TIFA: variants seen among roughly 807,000 people sequenced by gnomAD.
The protein encoded by TIFA is TRAF interacting protein with forkhead associated domain.
For missense variants in TIFA, 186 were observed against 215.2 expected (o/e 0.86, Z 0.85); for synonymous variants, 75 against 79.2 (o/e 0.95, Z 0.28).
At position 112,277,675 on chromosome 4, in the gene TIFA, A is replaced by ATGGTAGCCGTATC; in HGVS notation, c.*186_*187insGATACGGCTACCA. ...TTAAAATAATTTTGTGTAGATCCAGAATACAACAGGTGACTAAGTTAATGA... is the reference window on the plus strand; with the variant it reads ...TTAAAATAATTTTGTGTAGATCCAGATGGTAGCCGTATCATACAACAGGTGACTAAGTTAATGA... On this transcript the variant is annotated 3_prime_UTR_variant, in exon 2 of 2. Transcript: ENST00000361717. 2.8e-6 allele frequency: 1 copy of ATGGTAGCCGTATC among 363,384 alleles called. No individual in the cohort carries two copies. 22.5% of individuals were successfully genotyped at this position (363,384 alleles called of 1,614,324 possible).
chr4:112,274,901 T>C lies in TIFA; in HGVS notation c.*2961A>G, dbSNP rs1727076073. On this transcript the variant is annotated 3_prime_UTR_variant, in exon 2 of 2. Coordinates refer to ENST00000361717, the MANE Select transcript of TIFA (RefSeq NM_052864.3). ...TATATGGCCTATGAGATTTAACCAC[T>C]GGAGTTGCAGGTTCAAGAAGAGACT... 1.3e-5 allele frequency: 2 copies of C among 152,164 alleles called. No individual in the cohort carries two copies. The highest frequency in any genetic ancestry group is 2.9e-5 in the Non-Finnish European group (2 of 68,032). 9.4% of individuals were successfully genotyped at this position (152,164 alleles called of 1,614,324 possible).
chr4:112,284,229 AC>A (rs1327189148), intron 1 of TIFA, among the ~76,000 whole-genome samples: 1 of 151,976 alleles, frequency 6.6e-6, no homozygotes, highest in East Asian at 1.9e-4. Flanking sequence ...AAGAATGGAT[AC>A]GTGTAGAGGT....
At chr4:112,283,638 G>A (rs1727265534) in intron 1 of TIFA, among the ~76,000 whole-genome samples, 1 of 152,124 alleles carries the variant, frequency 6.6e-6, no homozygotes, top group Non-Finnish European at 1.5e-5. Flanking sequence ...GTGCACATTT[G>A]CTCAAAACAG....
rs548151444 is a variant in TIFA, at chr4:112,285,695, G to C, written c.-74C>G. ...AGCTGTTCGGCTCTCCCGGCTCAGAGCGAGGGGAATCGAGGAGACTGGGCG... is the reference window on the plus strand; with the variant it reads ...AGCTGTTCGGCTCTCCCGGCTCAGACCGAGGGGAATCGAGGAGACTGGGCG... On this transcript the variant is annotated 5_prime_UTR_variant, in exon 1 of 2. Transcript: ENST00000361717. 1 of 152,420 alleles carries C rather than the reference G, an allele frequency of 6.6e-6. No individual in the cohort carries two copies. Among genetic ancestry groups the C allele is most frequent in the Admixed American group, 6.5e-5 (1 of 15,288 alleles). The allele number at this position is 152,420 out of a possible 1,614,324, so 9.4% of individuals were successfully genotyped here.
At chr4:112,279,427 A>C (rs1430971276) in intron 1 of TIFA, among the ~76,000 whole-genome samples, 6 of 152,184 alleles carry the variant, frequency 3.9e-5, no homozygotes, top group Non-Finnish European at 8.8e-5. Flanking sequence ...AAATTCAAAC[A>C]CTAACAAAGG....
In TIFA at chr4:112,277,879, C is replaced by G; in HGVS notation, c.538G>C (p.Asp180His). ...SSQSSSPTEMDENES is the reference protein window; with the variant it reads ...SSQSSSPTEMHENES The stretch of plus-strand genomic sequence containing the variant: ...TTCTGTGTTCATGACTCATTTTCAT[C>G]CATTTCTGTCGGAGAACTGCTTTGG... Residue 180 changes from aspartate (D) to histidine (H), a missense_variant, in exon 2 of 2, where the codon GAT becomes CAT. Coordinates refer to ENST00000361717, the MANE Select transcript of TIFA (RefSeq NM_052864.3). The G allele has an allele frequency of 4.4e-6, 7 of 1,594,746 alleles. No homozygotes were observed. Among genetic ancestry groups the G allele is most frequent in the Non-Finnish European group, 6.0e-6 (7 of 1,172,750 alleles).
rs1466308089 is a variant in TIFA at position 112,285,623 on chromosome 4, C to A, written c.-19+17G>T. The stretch of plus-strand genomic sequence containing the variant: ...GCCAGTCCCCACCTCACCCCCAGCC[C>A]GCCGCCCCGCAAGTACCTGGGGCTG... On this transcript the variant is annotated intron_variant, in intron 1 of 1. Transcript: ENST00000361717. 4 of 152,272 alleles carry A rather than the reference C, an allele frequency of 2.6e-5. No homozygotes were observed. Among genetic ancestry groups the A allele is most frequent in the African/African-American group, 9.7e-5 (4 of 41,450 alleles). The allele number at this position is 152,272 out of a possible 1,614,324, so 9.4% of individuals were successfully genotyped here.
chr4:112,283,267 A>C lies in TIFA; in HGVS notation c.-19+2373T>G, dbSNP rs568785913. Among the ~76,000 whole-genome samples, 202 of 152,326 alleles carry C rather than the reference A, an allele frequency of 1.3e-3. 1 individual carries two copies. Among genetic ancestry groups the C allele is most frequent in the African/African-American group, 4.8e-3 (199 of 41,572 alleles). ...GCTACAACCAGCAAGGCACCAAACA[A>C]GAATCTAATACTGGGGAGGGAAATA... On this transcript the variant is annotated intron_variant, in intron 1 of 1. Transcript: ENST00000361717.
chr4:112,274,921 G>A lies in TIFA; in HGVS notation c.*2941C>T, dbSNP rs1196952131. 1.3e-5 allele frequency: 2 copies of A among 152,092 alleles called. No homozygotes were observed. Among genetic ancestry groups the A allele is most frequent in the African/African-American group, 2.4e-5 (1 of 41,404 alleles). The allele number at this position is 152,092 out of a possible 1,614,324, so 9.4% of individuals were successfully genotyped here. A position where few individuals can be genotyped will look rare whatever the true frequency, so the allele number is the denominator to read the frequency against. ...ACCACTGGAGTTGCAGGTTCAAGAAGAGACTGCCAAGGATTCTAACACTGG... is the reference window on the plus strand; with the variant it reads ...ACCACTGGAGTTGCAGGTTCAAGAAAAGACTGCCAAGGATTCTAACACTGG... On this transcript the variant is annotated 3_prime_UTR_variant, in exon 2 of 2. Coordinates refer to ENST00000361717, the MANE Select transcript of TIFA (RefSeq NM_052864.3).
At chr4:112,284,597 T>TC (rs1189648229) in intron 1 of TIFA, among the ~76,000 whole-genome samples, 7 of 151,878 alleles carry the variant, frequency 4.6e-5, no homozygotes, top group African/African-American at 1.7e-4. Context: ...TACTTTCATT[T>TC]CCCCCCAACC....
At chr4:112,284,894 CAAAAA>C (rs70958456) in intron 1 of TIFA, among the ~76,000 whole-genome samples, 2 of 136,508 alleles carry the variant, frequency 1.5e-5, no homozygotes, top group Non-Finnish European at 1.6e-5. Context: ...AACAAAGAAT[CAAAAA>C]AAAAAAAAAA....
chr4:112,278,544 A>G, intron 1 of TIFA, 110 bp from the exon 2 acceptor site: 1 of 837,866 alleles, frequency 1.2e-6, no homozygotes. Context: ...TCTGGACTTT[A>G]AGAAAACAGT....
intron 1 of TIFA, among the ~76,000 whole-genome samples, chr4:112,279,673 C>T (rs1404637063): frequency 2.5e-4 from 24 of 95,782 alleles, no homozygotes; most frequent in Non-Finnish European, 4.2e-4. Context: ...TTTCTTTGTT[C>T]CTCTTTTTTT....
Position 112,277,005 on chromosome 4 carries a change from A to C in TIFA, c.*857T>G, listed in dbSNP as rs1433000438. The C allele has an allele frequency of 6.6e-6, 1 of 152,222 alleles. No homozygotes were observed. The highest frequency in any genetic ancestry group is 6.5e-5 in the Admixed American group (1 of 15,284). The allele number at this position is 152,222 out of a possible 1,614,324, so 9.4% of individuals were successfully genotyped here. A position where few individuals can be genotyped will look rare whatever the true frequency, so the allele number is the denominator to read the frequency against. On this transcript the variant is annotated 3_prime_UTR_variant, in exon 2 of 2. Transcript: ENST00000361717. ...AGAAATATTTAAGCGTTTATCATAA[A>C]CATTCACATACATTTATCTCTGTAA...
Position 112,275,610 on chromosome 4 carries a change from T to G in TIFA, c.*2252A>C, listed in dbSNP as rs1377870784. The G allele has an allele frequency of 6.6e-6, 1 of 152,182 alleles. No homozygotes were observed. The highest frequency in any genetic ancestry group is 1.5e-5 in the Non-Finnish European group (1 of 68,038). 9.4% of individuals were successfully genotyped at this position (152,182 alleles called of 1,614,324 possible). A position where few individuals can be genotyped will look rare whatever the true frequency, so the allele number is the denominator to read the frequency against. On this transcript the variant is annotated 3_prime_UTR_variant, in exon 2 of 2. Transcript: ENST00000361717. ...CAACCCACTCTCTCCTTTGCCAATCTTTGAAGAAAAGAAAATAGAATAAAA... is the reference window on the plus strand; with the variant it reads ...CAACCCACTCTCTCCTTTGCCAATCGTTGAAGAAAAGAAAATAGAATAAAA...
At chr4:112,282,649 A>C (rs1171568683) in intron 1 of TIFA, among the ~76,000 whole-genome samples, 3 of 152,106 alleles carry the variant, frequency 2.0e-5, no homozygotes, top group Non-Finnish European at 2.9e-5. Context: ...CAGAACTCTC[A>C]CCTCCAGGGG....
chr4:112,284,915 A>T (rs1353140188), intron 1 of TIFA, among the ~76,000 whole-genome samples: 1 of 151,740 alleles, frequency 6.6e-6, no homozygotes, highest in Non-Finnish European at 1.5e-5. Context: ...AAAAAAAGTG[A>T]AAACCAAACA....
rs1727161234 is a variant in TIFA at position 112,278,321 on chromosome 4, C to T, written c.96G>A (p.Gln32=). The T allele has an allele frequency of 5.0e-6, 8 of 1,613,908 alleles. No individual in the cohort carries two copies. Among genetic ancestry groups the T allele is most frequent in the Non-Finnish European group, 5.9e-6 (7 of 1,179,960 alleles). ...HPGQLQCGIF[Q]SISFNREKLP... Reference sequence around the variant, plus strand: ...GTTTCTCTCTGTTAAAACTTATTGACTGAAATATTCCACACTGCAACTGGC... The same window carrying T: ...GTTTCTCTCTGTTAAAACTTATTGATTGAAATATTCCACACTGCAACTGGC... Residue 32 remains glutamine, a synonymous_variant, in exon 2 of 2, where the codon CAG becomes CAA. Transcript: ENST00000361717.
rs538184678 is a variant in TIFA, at chr4:112,283,409, T to C, written c.-19+2231A>G. Among the ~76,000 whole-genome samples the C allele has an allele frequency of 5.3e-5, 8 of 152,276 alleles. No homozygotes were observed. The South Asian group carries it at 1.7e-3, about 32-fold the overall frequency. ...ATAAATGTTAGCATGGACCTAGTAC[T>C]CATCGGTAATTGTGGCAGGTTGTTT... is the stretch of plus-strand genomic sequence containing the variant. On this transcript the variant is annotated intron_variant, in intron 1 of 1. Transcript: ENST00000361717.
Sources: gnomAD v4.1 joint callset for allele counts (sites outside exome capture counted in the v4.1 genomes callset) on GRCh38, gnomAD v4.1.1 for gene constraint, MANE v1.5 for transcripts, NCBI Gene and HGNC (gene_info 2026-07-23, HGNC 2026-07-21) for gene names.